MDN1: variants seen among roughly 807,000 people sequenced by gnomAD.
MDN1 encodes the protein midasin AAA ATPase 1.
Under a neutral mutation model 669.2 loss-of-function variants are expected in MDN1, and 266 were observed. The ratio of observed to expected loss-of-function variants is 0.40; its 90% CI spans 0.36 to 0.44. The LOEUF (loss-of-function observed/expected upper bound fraction) is 0.44. MDN1 is among the 20% of genes least tolerant of loss of function. The pLI, the probability that MDN1 is intolerant of heterozygous loss-of-function variation, is 1.00. For missense variants in MDN1, 5,940 were observed against 6,754.0 expected, an observed-to-expected ratio of 0.88 and a Z score of 4.22; for synonymous variants, 2,385 against 2,457.1, an observed-to-expected ratio of 0.97 and a Z score of 0.87.
chr6:89,723,349 G>A (rs1814970499), intron 39 of MDN1, among the ~76,000 whole-genome samples, 163 bp downstream of exon 39: 1 of 152,094 alleles, frequency 6.6e-6, no homozygotes, highest in South Asian at 2.1e-4. Flanking sequence ...ATGAATTACT[G>A]GAAGCCTCCA....
chr6:89,756,196 T>G, intron 20 of MDN1, 81 bp downstream of exon 20: 1 of 601,872 alleles, frequency 1.7e-6, no homozygotes, highest in Non-Finnish European at 2.8e-6. Context: ...TAAAAAAGAA[T>G]ACATATTTGT....
intron 73 of MDN1, among the ~76,000 whole-genome samples, 180 bp from the exon 74 acceptor site, chr6:89,680,931 G>A (rs905964235): frequency 6.6e-6 from 1 of 152,136 alleles, no homozygotes; most frequent in Admixed American, 6.5e-5. Context: ...CCATATTACT[G>A]CTCCATATGA....
chr6:89,693,981 G>A (rs1812551067), intron 62 of MDN1, 93 bp downstream of exon 62: 1 of 965,328 alleles, frequency 1.0e-6, no homozygotes, highest in African/African-American at 1.6e-5. Context: ...TAGTTTAGAG[G>A]TGTATATTAT....
intron 74 of MDN1, among the ~76,000 whole-genome samples, chr6:89,680,143 C>T (rs770668305): frequency 1.6e-4 from 24 of 152,150 alleles, no homozygotes; most frequent in South Asian, 8.3e-4. Context: ...ATGAGATCTT[C>T]GCTCTCACCT....
At chr6:89,775,938 C>A (rs867099906) in intron 12 of MDN1, among the ~76,000 whole-genome samples, 1 of 152,096 alleles carries the variant, frequency 6.6e-6, no homozygotes, top group Non-Finnish European at 1.5e-5. Context: ...ATCCACCCAC[C>A]TCTGCCTCCC....
intron 71 of MDN1, among the ~76,000 whole-genome samples, chr6:89,684,166 A>C (rs990335355): frequency 6.6e-6 from 1 of 152,144 alleles, no homozygotes; most frequent in African/African-American, 2.4e-5. Context: ...AACATGGTGA[A>C]ACCCCGTCTC....
rs1810570669 is a variant in MDN1 at position 89,670,153 on chromosome 6, TATA to T, written c.13956+763_13956+765del. On this transcript the variant is annotated intron_variant, in intron 83 of 101. Transcript: ENST00000369393. ...CTCCAAAAAAACATATATATATATA[TATA>T]TATATATATATATATTTTTTTTTTT... Among the ~76,000 whole-genome samples the T allele has an allele frequency of 1.3e-4, 3 of 22,984 alleles. No individual in the cohort carries two copies. In the Admixed American group the frequency reaches 1.8e-3, roughly 14 times the overall value. The allele number at this position is 22,984 out of a possible 152,430, so 15.1% of individuals were successfully genotyped here. A position where few individuals can be genotyped will look rare whatever the true frequency, so the allele number is the denominator to read the frequency against.
At position 89,674,641 on chromosome 6, in the gene MDN1, T is replaced by A. The variant is rs148078260; in HGVS notation, c.12762-52A>T. ...CACAATGAATGGCACCTTAAACCACTTTACCACATTGTTTTAAAAGAAATT... is the reference window on the plus strand; with the variant it reads ...CACAATGAATGGCACCTTAAACCACATTACCACATTGTTTTAAAAGAAATT... On this transcript the variant is annotated intron_variant, in intron 78 of 101. Coordinates refer to ENST00000369393, the MANE Select transcript of MDN1 (RefSeq NM_014611.3). The A allele has an allele frequency of 5.0e-4, 740 of 1,491,326 alleles. 3 individuals are homozygous for A. In the African/African-American group the frequency reaches 9.1e-3, roughly 18 times the overall value. 92.4% of individuals were successfully genotyped at this position (1,491,326 alleles called of 1,614,324 possible). A position where few individuals can be genotyped will look rare whatever the true frequency, so the allele number is the denominator to read the frequency against.
intron 26 of MDN1, 42 bp downstream of exon 26, chr6:89,749,181 A>G: frequency 6.6e-7 from 1 of 1,511,020 alleles, no homozygotes; most frequent in Non-Finnish European, 8.9e-7. Flanking sequence ...TGAAATTTTG[A>G]TCACCAAGTA....
intron 53 of MDN1, among the ~76,000 whole-genome samples, chr6:89,704,635 G>A (rs1362454561): frequency 1.3e-5 from 2 of 152,168 alleles, no homozygotes; most frequent in Non-Finnish European, 1.5e-5. Context: ...CCCCCAGGCT[G>A]GAGTGCAATG....
chr6:89,683,871 T>G lies in MDN1; in HGVS notation c.11863A>C (p.Ser3955Arg), dbSNP rs1163497964. The G allele has an allele frequency of 6.2e-7, 1 of 1,613,678 alleles. No individual in the cohort carries two copies. Among genetic ancestry groups the G allele is most frequent in the Non-Finnish European group, 8.5e-7 (1 of 1,179,716 alleles). Residue 3955 changes from serine to arginine, a missense_variant, in exon 72 of 102, where the codon AGC (serine) becomes CGC (arginine). Ser to Arg is a moderately radical substitution (Grantham distance 110, BLOSUM62 -1). Transcript: ENST00000369393. ...ACAGATTGCTTAATGGACCAGAAGCTGACATCATTCCACTTGGAAATCTTA... is the reference window on the plus strand; with the variant it reads ...ACAGATTGCTTAATGGACCAGAAGCGGACATCATTCCACTTGGAAATCTTA... The part of the protein sequence containing the change: ...FVKISKWNDV[S>R]FWSIKQSVEK...
chr6:89,700,338 A>C (rs1285145666), intron 56 of MDN1, 44 bp from the exon 57 acceptor site: 1 of 1,472,580 alleles, frequency 6.8e-7, no homozygotes, highest in Non-Finnish European at 9.5e-7. Context: ...AATGGTTAAG[A>C]GTATAGCCTC....
At chr6:89,708,980 T>TA (rs369443893) in intron 50 of MDN1, among the ~76,000 whole-genome samples, 77,063 of 144,614 alleles carry the variant, frequency 0.53, 21,036 homozygotes, top group East Asian at 0.89. Context: ...ACCATTAGCT[T>TA]AAAAAAAAAA....
intron 37 of MDN1, 52 bp from the exon 38 acceptor site, chr6:89,725,448 A>C (rs748236365): frequency 3.4e-5 from 49 of 1,441,960 alleles, no homozygotes; most frequent in Non-Finnish European, 4.6e-5. Context: ...ATACAACTGC[A>C]ACAAAAAGCA....
At chr6:89,698,747 G>C (rs1272017020) in intron 59 of MDN1, 118 bp downstream of exon 59, 14 of 899,576 alleles carry the variant, frequency 1.6e-5, no homozygotes. Context: ...AGAAAGTAAA[G>C]TGTTGCAATC....
At chr6:89,751,012 A>G (rs1003013468) in intron 23 of MDN1, among the ~76,000 whole-genome samples, 1 of 152,004 alleles carries the variant, frequency 6.6e-6, no homozygotes, top group Admixed American at 6.6e-5. Flanking sequence ...TTTCTGGAAA[A>G]TGCAAGAAGC....
intron 91 of MDN1, 24 bp downstream of exon 91, chr6:89,656,676 G>T: frequency 1.3e-6 from 2 of 1,496,746 alleles, no homozygotes; most frequent in Non-Finnish European, 1.8e-6. Context: ...CTTCACCTAA[G>T]TTTAGCTGAG....
intron 1 of MDN1, among the ~76,000 whole-genome samples, chr6:89,810,659 C>T (rs1381201213): frequency 1.3e-5 from 2 of 152,064 alleles, no homozygotes; most frequent in African/African-American, 2.4e-5. Context: ...TTTCTGTCAT[C>T]GCCACATGGC....
chr6:89,812,960 G>T lies in MDN1; in HGVS notation c.102+6546C>A, dbSNP rs527330082. Among the ~76,000 whole-genome samples the T allele has an allele frequency of 4.0e-5, 6 of 150,336 alleles. No homozygotes were observed. In the South Asian group the frequency reaches 1.3e-3, roughly 31 times the overall value. ...TACAAAAATTTTTTTTTTTTTTTGAGACGGAGTTTCATTGTTGTTGCCCAG... is the reference window on the plus strand; with the variant it reads ...TACAAAAATTTTTTTTTTTTTTTGATACGGAGTTTCATTGTTGTTGCCCAG... On this transcript the variant is annotated intron_variant, in intron 1 of 101. Coordinates refer to ENST00000369393, the MANE Select transcript of MDN1 (RefSeq NM_014611.3).
Sources: gnomAD v4.1 joint callset for allele counts (sites outside exome capture counted in the v4.1 genomes callset) on GRCh38, gnomAD v4.1.1 for gene constraint, MANE v1.5 for transcripts, NCBI Gene and HGNC (gene_info 2026-07-23, HGNC 2026-07-21) for gene names.